TLE4: variants seen among roughly 807,000 people sequenced by gnomAD.
The protein encoded by TLE4 is transducin-like enhancer protein 4.
TLE4 carries 8 observed loss-of-function variants against 92.8 expected under a neutral mutation model. The observed-to-expected ratio is 0.09, with a 90% CI of 0.05 to 0.16. The LOEUF is 0.16. Among genes scored for constraint, TLE4 ranks in the 10% least tolerant of loss-of-function variants. The pLI, the probability that TLE4 is intolerant of heterozygous loss-of-function variation, is 1.00. For missense variants in TLE4, 675 were observed against 997.6 expected (o/e 0.68, Z 4.36); for synonymous variants, 371 against 374.1 (o/e 0.99, Z 0.10).
At chr9:79,625,020 T>C (rs1227932476) in intron 5 of TLE4, among the ~76,000 whole-genome samples, 5 of 127,674 alleles carry the variant, frequency 3.9e-5, no homozygotes, top group Non-Finnish European at 8.4e-5. Context: ...TTTTCTTTTT[T>C]TTTTTTTTTT....
chr9:79,694,779 A>C (rs1423829701), intron 8 of TLE4, among the ~76,000 whole-genome samples: 2 of 151,594 alleles, frequency 1.3e-5, no homozygotes, highest in African/African-American at 4.8e-5. Flanking sequence ...CTAACCAGAA[A>C]AAAAAAAAAG....
At chr9:79,664,811 C>G in intron 8 of TLE4, among the ~76,000 whole-genome samples, 1 of 152,146 alleles carries the variant, frequency 6.6e-6, no homozygotes, top group Non-Finnish European at 1.5e-5. Flanking sequence ...ACCAGATGTT[C>G]ACTTGTAAAC....
chr9:79,649,883 T>C (rs570749543), intron 6 of TLE4: 18 of 1,347,076 alleles, frequency 1.3e-5, no homozygotes, highest in Non-Finnish European at 1.7e-5. Flanking sequence ...CTGAGGGCTT[T>C]TTGTTGTTGT....
chr9:79,580,395 T>C (rs926567949), intron 4 of TLE4: 3 of 152,184 alleles, frequency 2.0e-5, no homozygotes, highest in Non-Finnish European at 2.9e-5. Flanking sequence ...TAGTGAACTA[T>C]TTTAGAAAGC....
chr9:79,580,798 T>A (rs1217908364), intron 4 of TLE4, among the ~76,000 whole-genome samples: 13 of 152,110 alleles, frequency 8.5e-5, no homozygotes, highest in Admixed American at 8.5e-4. Flanking sequence ...GTGTTCTAGC[T>A]GAAAGTAACT....
intron 8 of TLE4, among the ~76,000 whole-genome samples, chr9:79,681,836 G>GTGTT (rs1393272165): frequency 2.7e-5 from 2 of 74,460 alleles, no homozygotes; most frequent in Non-Finnish European, 5.2e-5. Context: ...GTGTGCATGT[G>GTGTT]TGTGTGTGTG....
In TLE4 at chr9:79,708,850, G is replaced by A. The variant is rs2072447905; in HGVS notation, c.1263+64G>A. ...GGAGGATTGTCATGCTTGATTGATT[G>A]CGACAGGGTCTCGCTCTGTCACCCA... On this transcript the variant is annotated intron_variant, in intron 13 of 19. Coordinates refer to ENST00000376552, the MANE Select transcript of TLE4 (RefSeq NM_007005.6). 2.0e-6 allele frequency: 3 copies of A among 1,510,024 alleles called. No homozygotes were observed. The East Asian group carries it at 7.3e-5, about 37-fold the overall frequency. 93.5% of individuals were successfully genotyped at this position (1,510,024 alleles called of 1,614,324 possible). A position where few individuals can be genotyped will look rare whatever the true frequency, so the allele number is the denominator to read the frequency against.
chr9:79,601,009 T>G (rs2045517361), intron 4 of TLE4, among the ~76,000 whole-genome samples: 1 of 152,206 alleles, frequency 6.6e-6, no homozygotes, highest in African/African-American at 2.4e-5. Flanking sequence ...CCTAGGGTGC[T>G]TCTAACAAAT....
Position 79,718,147 on chromosome 9 carries a change from A to G in TLE4, c.1341-575A>G, listed in dbSNP as rs115593249. 503 of 447,382 alleles carry G rather than the reference A, an allele frequency of 1.1e-3. 2 individuals are homozygous for G. The highest frequency in any genetic ancestry group is 9.3e-3 in the African/African-American group (461 of 49,406). 27.7% of individuals were successfully genotyped at this position (447,382 alleles called of 1,614,324 possible). On this transcript the variant is annotated intron_variant, in intron 14 of 19. Coordinates refer to ENST00000376552, the MANE Select transcript of TLE4 (RefSeq NM_007005.6). ...GATTGACTAGGATTTGTGATTGTCA[A>G]GTCTGATCAAGGTTTTAAAATAGGG...
chr9:79,574,969 T>A, intron 3 of TLE4, 33 bp downstream of exon 3: 1 of 1,591,590 alleles, frequency 6.3e-7, no homozygotes, highest in Non-Finnish European at 8.6e-7. Flanking sequence ...TCAAAGTGCC[T>A]ATTAGTTTGG....
At chr9:79,632,365 G>C (rs1478014063) in intron 6 of TLE4, among the ~76,000 whole-genome samples, 4 of 152,162 alleles carry the variant, frequency 2.6e-5, no homozygotes, top group Non-Finnish European at 5.9e-5. Context: ...GATAATACAT[G>C]TTTATTTTGA....
Position 79,644,927 on chromosome 9 carries a change from A to C in TLE4, c.391-7666A>C, listed in dbSNP as rs191659225. 3.5e-3 allele frequency among the ~76,000 whole-genome samples: 530 copies of C among 152,312 alleles called. 2 individuals carry two copies. The highest frequency in any genetic ancestry group is 5.3e-3 in the Non-Finnish European group (363 of 68,032). On this transcript the variant is annotated intron_variant, in intron 6 of 19. Coordinates refer to ENST00000376552, the MANE Select transcript of TLE4 (RefSeq NM_007005.6). ...ATGGTTGTGGGCTTGGGAGACAGCC[A>C]GCCTTGAACTTAGGAGCTGGCACTG...
At chr9:79,574,048 C>G (rs940028482) in intron 2 of TLE4, 1 of 260,864 alleles carries the variant, frequency 3.8e-6, no homozygotes, top group Non-Finnish European at 7.2e-6. Context: ...GCCAAACTTT[C>G]GATATTGATT....
At chr9:79,670,989 A>ACT in intron 8 of TLE4, among the ~76,000 whole-genome samples, 1 of 152,212 alleles carries the variant, frequency 6.6e-6, no homozygotes, top group Non-Finnish European at 1.5e-5. Context: ...CAAACACAAA[A>ACT]CTAACAGCAG....
At chr9:79,622,667 A>G (rs771829776) in intron 5 of TLE4, among the ~76,000 whole-genome samples, 24 of 152,152 alleles carry the variant, frequency 1.6e-4, no homozygotes, top group Non-Finnish European at 3.1e-4. Flanking sequence ...ATCAAAGACT[A>G]TGGTTCTTGT....
At chr9:79,663,143 G>C (rs974457947) in intron 8 of TLE4, among the ~76,000 whole-genome samples, 1 of 152,130 alleles carries the variant, frequency 6.6e-6, no homozygotes, top group Non-Finnish European at 1.5e-5. Context: ...ATTGGGACTC[G>C]CACAGCTAGC....
chr9:79,642,760 C>T (rs1316699910), intron 6 of TLE4, among the ~76,000 whole-genome samples: 1 of 152,086 alleles, frequency 6.6e-6, no homozygotes, highest in East Asian at 1.9e-4. Context: ...AGTTAAACTA[C>T]AAGTTAGGAC....
At chr9:79,696,846 CAG>C (rs2068390660) in intron 8 of TLE4, among the ~76,000 whole-genome samples, 1 of 152,150 alleles carries the variant, frequency 6.6e-6, no homozygotes, top group Admixed American at 6.6e-5. Context: ...CATTCAAAAA[CAG>C]AGCACAGTGC....
At chr9:79,687,116 G>A (rs970312845) in intron 8 of TLE4, among the ~76,000 whole-genome samples, 18 of 152,282 alleles carry the variant, frequency 1.2e-4, no homozygotes, top group Non-Finnish European at 2.4e-4. Flanking sequence ...TAGCAATAAT[G>A]ACAGTATTGC....
Sources: allele counts gnomAD v4.1 joint callset (sites outside exome capture counted in the v4.1 genomes callset), GRCh38; gene constraint gnomAD v4.1.1; transcripts MANE v1.5; gene names NCBI Gene and HGNC (gene_info 2026-07-23, HGNC 2026-07-21).